RNFT2: variants seen among roughly 807,000 people sequenced by gnomAD.
RNFT2 encodes the protein ring finger protein, transmembrane 2.
In RNFT2, 36 loss-of-function variants were observed where a neutral mutation model predicts 53.0. That is an observed-to-expected ratio of 0.68 (90% CI 0.52 to 0.90). The LOEUF is 0.90. Among genes scored for constraint, RNFT2 ranks in the 40% least tolerant of loss-of-function variants. The pLI is 0.00. For synonymous variants in RNFT2, 260 were observed against 253.2 expected (o/e 1.03, Z -0.26); for missense variants, 514 against 585.6 (o/e 0.88, Z 1.26).
intron 7 of RNFT2, among the ~76,000 whole-genome samples, chr12:116,809,215 AT>A (rs1875239386): frequency 6.6e-6 from 1 of 151,916 alleles, no homozygotes; most frequent in African/African-American, 2.4e-5. Flanking sequence ...TCATTCATTC[AT>A]TCATTCATCA....
intron 5 of RNFT2, among the ~76,000 whole-genome samples, chr12:116,760,514 C>T (rs1370496499): frequency 6.6e-6 from 1 of 152,236 alleles, no homozygotes; most frequent in Non-Finnish European, 1.5e-5. Context: ...CAGGGCCTTG[C>T]TGCTGCTTCC....
chr12:116,837,473 TA>T (rs928678296), intron 10 of RNFT2, among the ~76,000 whole-genome samples: 1 of 152,078 alleles, frequency 6.6e-6, no homozygotes, highest in African/African-American at 2.4e-5. Flanking sequence ...TGGAAAGGCT[TA>T]CGGGTAGGGG....
At chr12:116,746,105 C>T (rs912470771) in intron 3 of RNFT2, among the ~76,000 whole-genome samples, 12 of 152,092 alleles carry the variant, frequency 7.9e-5, no homozygotes, top group Admixed American at 4.6e-4. Flanking sequence ...AGCATAGTGG[C>T]GCACACCTGT....
At chr12:116,819,716 C>G (rs983404630) in intron 7 of RNFT2, among the ~76,000 whole-genome samples, 1 of 152,238 alleles carries the variant, frequency 6.6e-6, no homozygotes, top group Non-Finnish European at 1.5e-5. Flanking sequence ...CATCCTGGCT[C>G]GCCCTTCTCT....
chr12:116,801,789 T>C (rs1461874564), intron 7 of RNFT2, among the ~76,000 whole-genome samples: 1 of 150,616 alleles, frequency 6.6e-6, no homozygotes, highest in East Asian at 1.9e-4. Flanking sequence ...GTTTGTTTGT[T>C]TTCTGTGGGG....
chr12:116,809,303 A>G lies in RNFT2; in HGVS notation c.883-24489A>G, dbSNP rs377745060. Among the ~76,000 whole-genome samples the G allele has an allele frequency of 3.9e-5, 6 of 152,280 alleles. No homozygotes were observed. The East Asian group carries it at 7.7e-4, about 20-fold the overall frequency. On this transcript the variant is annotated intron_variant, in intron 7 of 10. Coordinates refer to ENST00000257575, the MANE Select transcript of RNFT2 (RefSeq NM_001382266.1). ...GTTTGAACTCGATTCCTGGTGGTTC[A>G]GGTGCTGACAGGAGTTGAGAAGTGC...
intron 6 of RNFT2, among the ~76,000 whole-genome samples, chr12:116,775,722 C>T (rs548965571): frequency 1.8e-4 from 28 of 152,288 alleles, no homozygotes; most frequent in African/African-American, 6.3e-4. Context: ...ACATATATCA[C>T]AATTAATATG....
At position 116,738,387 on chromosome 12, in the gene RNFT2, A is replaced by AT. The variant is rs3840786; in HGVS notation, c.-154+26dup. The AT allele has an allele frequency of 0.64, 97,585 of 151,700 alleles. 33,022 individuals carry two copies. The highest frequency in any genetic ancestry group is 0.84 in the East Asian group (4,298 of 5,126). The allele number at this position is 151,700 out of a possible 1,614,324, so 9.4% of individuals were successfully genotyped here. A position where few individuals can be genotyped will look rare whatever the true frequency, so the allele number is the denominator to read the frequency against. On this transcript the variant is annotated intron_variant, in intron 1 of 10. Transcript: ENST00000257575. ...TCTGGGCAGGTAAAAAGAGAACGCG[A>AT]TTTTTTTTTCTTTTCTCCCATCATG...
intron 1 of RNFT2, among the ~76,000 whole-genome samples, chr12:116,739,900 C>A (rs1871519998): frequency 6.6e-6 from 1 of 152,164 alleles, no homozygotes; most frequent in South Asian, 2.1e-4. Flanking sequence ...GGATGAAATA[C>A]AATACCTTAA....
intron 4 of RNFT2, among the ~76,000 whole-genome samples, chr12:116,751,176 A>G (rs1872236310): frequency 6.6e-6 from 1 of 151,594 alleles, no homozygotes; most frequent in Non-Finnish European, 1.5e-5. Flanking sequence ...TAAGCCTCCC[A>G]AAGTGCTGGG....
intron 5 of RNFT2, chr12:116,755,284 T>C (rs562521422): frequency 1.5e-6 from 1 of 647,014 alleles, no homozygotes; most frequent in South Asian, 1.8e-5. Flanking sequence ...TTCAGTTAGC[T>C]GTAAGTATTT....
Position 116,766,508 on chromosome 12 carries a change from T to C in RNFT2, c.628-306T>C, listed in dbSNP as rs1224487052. ...AATAACTTGCCTGGAGTTGGACAGC[T>C]CCCACACAGGATTTGACCAGGGATT... On this transcript the variant is annotated intron_variant, in intron 5 of 10. Coordinates refer to ENST00000257575, the MANE Select transcript of RNFT2 (RefSeq NM_001382266.1). Among the ~76,000 whole-genome samples the C allele has an allele frequency of 2.0e-5, 3 of 152,314 alleles. No homozygotes were observed. The East Asian group carries it at 5.8e-4, about 29-fold the overall frequency.
intron 7 of RNFT2, among the ~76,000 whole-genome samples, chr12:116,814,836 G>A (rs999913101): frequency 2.6e-5 from 4 of 152,122 alleles, no homozygotes; most frequent in South Asian, 2.1e-4. Flanking sequence ...GCACCACCAT[G>A]CCCAGCTAAG....
chr12:116,755,640 G>A (rs1006078328), intron 5 of RNFT2: 25 of 1,261,264 alleles, frequency 2.0e-5, no homozygotes, highest in Non-Finnish European at 2.6e-5. Flanking sequence ...CCCTTAACTT[G>A]TTTGTTTACA....
chr12:116,763,766 G>A (rs184408609), intron 5 of RNFT2, among the ~76,000 whole-genome samples: 3,542 of 139,732 alleles, frequency 0.025, 116 homozygotes, highest in African/African-American at 0.081. Context: ...GTGACAGAGC[G>A]AGACTCCATC....
At chr12:116,822,541 T>C (rs1456053942) in intron 7 of RNFT2, among the ~76,000 whole-genome samples, 2 of 152,210 alleles carry the variant, frequency 1.3e-5, no homozygotes, top group Admixed American at 6.5e-5. Flanking sequence ...CTCATAGTGG[T>C]GTGCACAGAG....
At chr12:116,766,207 A>G (rs1006310011) in intron 5 of RNFT2, among the ~76,000 whole-genome samples, 1 of 152,172 alleles carries the variant, frequency 6.6e-6, no homozygotes, top group Non-Finnish European at 1.5e-5. Context: ...ACTTGAGCCC[A>G]GGAGTTCAAG....
At chr12:116,843,308 C>T (rs1220047555) in intron 10 of RNFT2, among the ~76,000 whole-genome samples, 1 of 151,892 alleles carries the variant, frequency 6.6e-6, no homozygotes, top group Non-Finnish European at 1.5e-5. Flanking sequence ...GCCTGGCCAA[C>T]ATAGCAAGAC....
At chr12:116,765,586 A>G (rs537204729) in intron 5 of RNFT2, among the ~76,000 whole-genome samples, 2 of 152,302 alleles carry the variant, frequency 1.3e-5, no homozygotes, top group East Asian at 1.9e-4. Context: ...GGATCTGCCT[A>G]TGTGTCCCAG....
Sources: gnomAD v4.1 joint callset for allele counts (sites outside exome capture counted in the v4.1 genomes callset) on GRCh38, gnomAD v4.1.1 for gene constraint, MANE v1.5 for transcripts, NCBI Gene and HGNC (gene_info 2026-07-23, HGNC 2026-07-21) for gene names.